Variants in WDPCP observed in about 807,000 individuals in gnomAD.
WDPCP encodes the protein WD repeat containing planar cell polarity effector.
In WDPCP, 71 loss-of-function variants were observed where a neutral mutation model predicts 93.1. The observed-to-expected ratio is 0.76, with a 90% CI of 0.63 to 0.93. The LOEUF is 0.93. Ranked by LOEUF, WDPCP falls within the 40% of genes least tolerant of loss-of-function variation. The pLI is 0.00. For missense variants in WDPCP, 844 were observed against 887.4 expected (o/e 0.95, Z 0.62); for synonymous variants, 315 against 315.0 (o/e 1.00, Z 0.00).
rs1362843804 is a variant in WDPCP, at chr2:63,405,435, T to C, written c.826-778A>G. ...TTTTCAACCAAATGCAAATAGAAAA[T>C]ACAGTATTCCCAGTATGTGGGAAAT... On this transcript the variant is annotated intron_variant, in intron 9 of 17. Transcript: ENST00000272321. Among the ~76,000 whole-genome samples, 4 of 151,990 alleles carry C rather than the reference T, an allele frequency of 2.6e-5. No individual in the cohort carries two copies. In the East Asian group the frequency reaches 7.7e-4, roughly 29 times the overall value.
chr2:63,594,322 A>G, intron 3 of WDPCP: 1 of 729,430 alleles, frequency 1.4e-6, no homozygotes, highest in South Asian at 1.4e-5. Flanking sequence ...AAATAACACC[A>G]CGTAAATATG....
intron 14 of WDPCP, among the ~76,000 whole-genome samples, chr2:63,227,433 G>A (rs996062777): frequency 3.9e-5 from 6 of 152,022 alleles, no homozygotes; most frequent in African/African-American, 1.2e-4. Flanking sequence ...GCACTTGCTT[G>A]TAGCATTGTT....
In WDPCP at chr2:63,577,763, A is replaced by G. The variant is rs187295893; in HGVS notation, c.75+10434T>C. Among the ~76,000 whole-genome samples, 375 of 152,336 alleles carry G rather than the reference A, an allele frequency of 2.5e-3. 2 individuals are homozygous for G. The highest frequency in any genetic ancestry group is 8.6e-3 in the African/African-American group (358 of 41,580). On this transcript the variant is annotated intron_variant, in intron 1 of 17. Transcript: ENST00000272321. ...TATCAAATATTATACTGAATATTTGAACAGCAAACACAAACAGTCCTAATC... is the reference window on the plus strand; with the variant it reads ...TATCAAATATTATACTGAATATTTGGACAGCAAACACAAACAGTCCTAATC...
At chr2:63,833,259 C>T in the WDPCP span, among the ~76,000 whole-genome samples, 1 of 152,066 alleles carries the variant, frequency 6.6e-6, no homozygotes, top group Admixed American at 6.5e-5. Context: ...TCTCAAAAAA[C>T]AAACAAACAC....
intron 3 of WDPCP, among the ~76,000 whole-genome samples, chr2:63,625,973 C>T (rs1397357266): frequency 6.6e-6 from 1 of 152,124 alleles, no homozygotes. Context: ...CAGCATGGTA[C>T]TGATACTAAA....
chr2:63,163,739 A>AT (rs370230768), intron 15 of WDPCP, among the ~76,000 whole-genome samples: 38 of 150,226 alleles, frequency 2.5e-4, no homozygotes, highest in African/African-American at 2.4e-4. Flanking sequence ...ATAGGCTGTA[A>AT]TTTTTTTTTT....
intron 2 of WDPCP, among the ~76,000 whole-genome samples, chr2:63,682,359 G>A (rs113737631): frequency 4.6e-5 from 7 of 152,222 alleles, no homozygotes; most frequent in African/African-American, 1.7e-4. Context: ...AAAAAGAATT[G>A]AGCAAATTTT....
rs1428356498 is a variant in WDPCP at position 63,619,902 on chromosome 2, C to T, written n.488+30757G>A. 2.6e-5 allele frequency among the ~76,000 whole-genome samples: 4 copies of T among 152,308 alleles called. No individual in the cohort carries two copies. The East Asian group carries it at 5.8e-4, about 22-fold the overall frequency. ...CAAAGCAGAGTGGGACATTGCCTCA[C>T]CTGGGAAGCGCAAGGGGTCGGGGAA... On this transcript the variant is annotated intron_variant and non_coding_transcript_variant, in intron 3 of 4. Coordinates refer to the WDPCP transcript ENST00000467687.
chr2:63,212,785 A>T (rs929660979), intron 14 of WDPCP, among the ~76,000 whole-genome samples: 4 of 147,038 alleles, frequency 2.7e-5, no homozygotes, highest in African/African-American at 7.3e-5. Context: ...CTACCACAAA[A>T]ATGGAAAACA....
At chr2:63,501,334 T>G (rs1037590996) in intron 1 of WDPCP, among the ~76,000 whole-genome samples, 1 of 151,958 alleles carries the variant, frequency 6.6e-6, no homozygotes, top group Admixed American at 6.5e-5. Flanking sequence ...GAGGCCGAGG[T>G]AGAAGGATTG....
At chr2:63,547,971 G>C (rs1205782838) in intron 1 of WDPCP, among the ~76,000 whole-genome samples, 1 of 151,980 alleles carries the variant, frequency 6.6e-6, no homozygotes, top group Non-Finnish European at 1.5e-5. Flanking sequence ...AATATTTAAG[G>C]TGAGAGATAT....
At chr2:63,232,228 C>G (rs1255847686) in intron 14 of WDPCP, among the ~76,000 whole-genome samples, 1 of 152,128 alleles carries the variant, frequency 6.6e-6, no homozygotes, top group Non-Finnish European at 1.5e-5. Context: ...CATAAAAACC[C>G]TAGAAGCAAA....
chr2:63,575,419 CTGTATACAG>C lies in WDPCP; in HGVS notation c.75+12769_75+12777del, dbSNP rs1438998966. ...ATACAGTATATATACAGTATATACA[CTGTATACAG>C]TGTATATACAGTGTATACACTGTAT... On this transcript the variant is annotated intron_variant, in intron 1 of 17. Coordinates refer to ENST00000272321, the MANE Select transcript of WDPCP (RefSeq NM_015910.7). 3.8e-4 allele frequency among the ~76,000 whole-genome samples: 25 copies of C among 65,562 alleles called. 2 individuals carry two copies. In the East Asian group the frequency reaches 4.0e-3, roughly 10 times the overall value. The allele number at this position is 65,562 out of a possible 152,430, so 43.0% of individuals were successfully genotyped here. A position where few individuals can be genotyped will look rare whatever the true frequency, so the allele number is the denominator to read the frequency against.
intron 6 of WDPCP, among the ~76,000 whole-genome samples, chr2:63,444,022 A>T (rs1204331523): frequency 1.3e-5 from 2 of 152,170 alleles, no homozygotes; most frequent in Non-Finnish European, 2.9e-5. Flanking sequence ...TCTGAACTTC[A>T]TGGGGGACTA....
intron 17 of WDPCP, among the ~76,000 whole-genome samples, chr2:63,138,429 T>G (rs970254144): frequency 2.0e-5 from 3 of 151,512 alleles, no homozygotes; most frequent in Non-Finnish European, 4.4e-5. Flanking sequence ...TGGGTACAGG[T>G]GGTATTTGGT....
At chr2:63,612,269 T>C (rs1178539554) in intron 3 of WDPCP, among the ~76,000 whole-genome samples, 3 of 152,216 alleles carry the variant, frequency 2.0e-5, no homozygotes, top group African/African-American at 7.2e-5. Context: ...GGGATATTAA[T>C]AGTACAACCT....
chr2:63,535,914 A>G (rs960280262), intron 1 of WDPCP, among the ~76,000 whole-genome samples: 3 of 152,222 alleles, frequency 2.0e-5, no homozygotes, highest in African/African-American at 7.2e-5. Context: ...CTACCAGCAG[A>G]GTGAACAGGC....
At chr2:63,176,163 C>T (rs769942199) in intron 14 of WDPCP, among the ~76,000 whole-genome samples, 12 of 152,260 alleles carry the variant, frequency 7.9e-5, no homozygotes, top group Middle Eastern at 3.4e-3. Flanking sequence ...ATTTGCATTT[C>T]TCTAATAAGT....
intron 1 of WDPCP, among the ~76,000 whole-genome samples, chr2:63,516,019 CAA>C (rs34934162): frequency 4.6e-5 from 6 of 131,592 alleles, no homozygotes; most frequent in Admixed American, 7.4e-5. Context: ...GACTCCATTT[CAA>C]AAAAAAAAAA....
Sources: allele counts gnomAD v4.1 joint callset (sites outside exome capture counted in the v4.1 genomes callset), GRCh38; gene constraint gnomAD v4.1.1; transcripts MANE v1.5; gene names NCBI Gene and HGNC (gene_info 2026-07-23, HGNC 2026-07-21).